The following XIRP2 variants were observed in gnomAD, a reference collection of about 807,000 sequenced individuals.
The protein encoded by XIRP2 is xin actin-binding repeat-containing protein 2.
XIRP2 carries 236 observed loss-of-function variants against 277.0 expected under a neutral mutation model. The ratio of observed to expected loss-of-function variants is 0.85; its 90% confidence interval spans 0.77 to 0.95. The LOEUF is 0.95. Ranked by LOEUF, XIRP2 falls within the 40% of genes least tolerant of loss-of-function variation. The pLI, the probability that XIRP2 is intolerant of heterozygous loss-of-function variation, is 0.00. For missense variants in XIRP2, 4,640 were observed against 4,157.5 expected (o/e 1.12, Z -3.19); for synonymous variants, 1,490 against 1,416.5 (o/e 1.05, Z -1.17).
intron 2 of XIRP2, among the ~76,000 whole-genome samples, chr2:167,010,887 A>G (rs1365985806): frequency 6.6e-6 from 1 of 152,060 alleles, no homozygotes; most frequent in African/African-American, 2.4e-5. Context: ...TTATTGGTGT[A>G]TAAGAATGCT....
chr2:167,023,113 C>A (rs187634194), intron 2 of XIRP2, among the ~76,000 whole-genome samples: 78 of 152,264 alleles, frequency 5.1e-4, no homozygotes, highest in Middle Eastern at 6.8e-3. Context: ...CCCTCCAGCA[C>A]CTGTTGTTTC....
chr2:167,175,390 C>A (rs562141469), intron 3 of XIRP2, among the ~76,000 whole-genome samples: 1 of 152,250 alleles, frequency 6.6e-6, no homozygotes, highest in South Asian at 2.1e-4. Flanking sequence ...AACAGTCAGG[C>A]CCCTCTGCTG....
At chr2:166,910,640 C>T (rs1242744836) in intron 2 of XIRP2, among the ~76,000 whole-genome samples, 1 of 152,102 alleles carries the variant, frequency 6.6e-6, no homozygotes, top group Non-Finnish European at 1.5e-5. Flanking sequence ...CTAGTTATTT[C>T]TTGCCTTCTG....
At chr2:167,153,896 T>A (rs927375977) in intron 3 of XIRP2, among the ~76,000 whole-genome samples, 3 of 151,432 alleles carry the variant, frequency 2.0e-5, no homozygotes, top group African/African-American at 7.3e-5. Context: ...TATAGCAGCA[T>A]GATTTATAGT....
Position 167,258,170 on chromosome 2 carries a change from T to C in XIRP2, c.*353T>C. On this transcript the variant is annotated 3_prime_UTR_variant, in exon 11 of 11. Coordinates refer to ENST00000409195, the MANE Select transcript of XIRP2 (RefSeq NM_152381.6). ...AAAATTAAAAGTCATTTGGCCTCCT[T>C]CCAAGGAGATCCCTAAGAAAACCTT... is the stretch of plus-strand genomic sequence containing the variant. 1 of 1,612,948 alleles carries C rather than the reference T, an allele frequency of 6.2e-7. No individual in the cohort carries two copies. Among genetic ancestry groups the C allele is most frequent in the Non-Finnish European group, 8.5e-7 (1 of 1,179,502 alleles).
intron 3 of XIRP2, among the ~76,000 whole-genome samples, chr2:167,167,662 T>G (rs1443320347): frequency 6.6e-6 from 1 of 152,138 alleles, no homozygotes; most frequent in Non-Finnish European, 1.5e-5. Context: ...CTTGTATCAT[T>G]GCTGTCATTC....
At chr2:166,958,306 G>T (rs751517556) in intron 2 of XIRP2, among the ~76,000 whole-genome samples, 7 of 151,886 alleles carry the variant, frequency 4.6e-5, no homozygotes, top group South Asian at 2.1e-4. Context: ...TGACTCAATT[G>T]CAGAGGGAGA....
intron 2 of XIRP2, among the ~76,000 whole-genome samples, chr2:166,925,555 T>TTGTG (rs903147436): frequency 6.9e-6 from 1 of 144,610 alleles, no homozygotes; most frequent in Non-Finnish European, 1.5e-5. Context: ...CTGAAAATAT[T>TTGTG]TGTGTGTGTG....
At chr2:167,079,626 G>A (rs1187536312) in intron 2 of XIRP2, among the ~76,000 whole-genome samples, 1 of 152,034 alleles carries the variant, frequency 6.6e-6, no homozygotes, top group Non-Finnish European at 1.5e-5. Context: ...TATGTGCATA[G>A]AGGCATTCAT....
chr2:166,914,315 A>C (rs748881003), intron 2 of XIRP2, among the ~76,000 whole-genome samples: 60 of 152,056 alleles, frequency 3.9e-4, no homozygotes, highest in Non-Finnish European at 4.4e-4. Context: ...GAACTCTAAG[A>C]TAATAAATGT....
chr2:167,254,040 G>T lies in XIRP2; in HGVS notation c.10564G>T (p.Ala3522Ser), dbSNP rs371832444. The part of the protein sequence containing the change: ...EESAFISEAA[A>S]PRQGNMYTLS... ...TAAATTTTTATTTTTAGAAGCTGCT[G>T]CTCCAAGACAAGGAAATATGTATAC... Residue 3522 changes from alanine to serine, a missense_variant, in exon 10 of 11, where the codon GCT becomes TCT. Ala to Ser is a moderately conservative substitution (Grantham distance 99, BLOSUM62 1). Transcript: ENST00000409195. 8.8e-6 allele frequency: 14 copies of T among 1,590,336 alleles called. No individual in the cohort carries two copies. The African/African-American group carries it at 1.8e-4, about 20-fold the overall frequency.
chr2:167,022,937 C>T (rs2105487987), intron 2 of XIRP2, among the ~76,000 whole-genome samples: 1 of 152,188 alleles, frequency 6.6e-6, no homozygotes, highest in African/African-American at 2.4e-5. Context: ...GTCTTTATAG[C>T]AGCATGATTT....
intron 2 of XIRP2, among the ~76,000 whole-genome samples, chr2:166,908,481 G>A (rs369965214): frequency 5.3e-5 from 8 of 151,810 alleles, no homozygotes; most frequent in Non-Finnish European, 1.0e-4. Context: ...TTTCTTGTAA[G>A]TTTGTTTGAG....
At chr2:167,143,458 G>A (rs772970057) in intron 3 of XIRP2, among the ~76,000 whole-genome samples, 3 of 152,164 alleles carry the variant, frequency 2.0e-5, no homozygotes, top group Non-Finnish European at 4.4e-5. Context: ...GAAATTCCAA[G>A]TAGATCCTGC....
chr2:167,060,510 G>A (rs924766895), intron 2 of XIRP2, among the ~76,000 whole-genome samples: 1 of 152,064 alleles, frequency 6.6e-6, no homozygotes, highest in African/African-American at 2.4e-5. Flanking sequence ...TTAATTTTGA[G>A]GGGTTTTTTG....
At chr2:167,120,099 T>G (rs545709197) in intron 2 of XIRP2, among the ~76,000 whole-genome samples, 56 of 152,290 alleles carry the variant, frequency 3.7e-4, no homozygotes, top group African/African-American at 1.3e-3. Flanking sequence ...ACGGTGGGGC[T>G]GGTTTCCATT....
At chr2:167,104,775 T>A (rs563203982) in intron 2 of XIRP2, among the ~76,000 whole-genome samples, 86 of 152,164 alleles carry the variant, frequency 5.7e-4, no homozygotes, top group African/African-American at 2.0e-3. Flanking sequence ...CCAAATCAGT[T>A]GACCCATAAC....
chr2:166,981,555 G>A (rs961309995), intron 2 of XIRP2, among the ~76,000 whole-genome samples: 1 of 152,044 alleles, frequency 6.6e-6, no homozygotes, highest in African/African-American at 2.4e-5. Context: ...CAGAGTAGCT[G>A]GGACTACAGG....
At chr2:167,186,316 C>A (rs1317315824) in intron 3 of XIRP2, among the ~76,000 whole-genome samples, 1 of 152,006 alleles carries the variant, frequency 6.6e-6, no homozygotes, top group Admixed American at 6.6e-5. Context: ...TAACAGAAAC[C>A]AATATTGTAT....
Sources: gnomAD v4.1 joint callset for allele counts (sites outside exome capture counted in the v4.1 genomes callset) on GRCh38, gnomAD v4.1.1 for gene constraint, MANE v1.5 for transcripts, NCBI Gene and HGNC (gene_info 2026-07-23, HGNC 2026-07-21) for gene names.